The following CNTN4 variants were observed in gnomAD, a reference collection of about 807,000 sequenced individuals.
CNTN4 encodes the protein contactin-4.
Under a neutral mutation model 122.5 loss-of-function variants are expected in CNTN4, and 77 were observed. The observed-to-expected ratio is 0.63, with a 90% CI of 0.52 to 0.76. The LOEUF (loss-of-function observed/expected upper bound fraction) is 0.76, where lower values mean the gene tolerates loss of function less well. Ranked by LOEUF, CNTN4 falls within the 30% of genes least tolerant of loss-of-function variation. The pLI, the probability that CNTN4 is intolerant of heterozygous loss-of-function variation, is 0.00. For missense variants in CNTN4, 1,256 were observed against 1,259.1 expected (o/e 1.00, Z 0.04); for synonymous variants, 512 against 447.0 (o/e 1.15, Z -1.83).
chr3:2,483,806 AC>A (rs1195188902), intron 3 of CNTN4, among the ~76,000 whole-genome samples: 3 of 152,128 alleles, frequency 2.0e-5, no homozygotes, highest in African/African-American at 7.2e-5. Flanking sequence ...AGTCAATTAA[AC>A]TTTTTTTCTT....
chr3:2,562,963 AAC>A (rs2079020637), intron 3 of CNTN4, among the ~76,000 whole-genome samples: 1 of 152,054 alleles, frequency 6.6e-6, no homozygotes, highest in Admixed American at 6.6e-5. Flanking sequence ...CCTGGACTGA[AAC>A]AGTCCTCCTG....
At chr3:2,637,686 A>G (rs1377144262) in intron 4 of CNTN4, among the ~76,000 whole-genome samples, 1 of 152,162 alleles carries the variant, frequency 6.6e-6, no homozygotes, top group Non-Finnish European at 1.5e-5. Flanking sequence ...TTCAACTCCT[A>G]TAAATCCTAT....
At position 3,038,988 on chromosome 3, in the gene CNTN4, G is replaced by C. The variant is rs769802182; in HGVS notation, c.2148G>C (p.Leu716=). The part of the protein sequence containing the change: ...VSGGGGSKSE[L]VITWETVPEE... Reference sequence around the variant, plus strand: ...GTGGCGGAGGCAGCAAATCTGAACTGGTTATAACCTGGGAGGTAAATGAAT... The same window carrying C: ...GTGGCGGAGGCAGCAAATCTGAACTCGTTATAACCTGGGAGGTAAATGAAT... Residue 716 remains leucine, a synonymous_variant, in exon 19 of 25, where the codon CTG becomes CTC. Transcript: ENST00000418658. The C allele has an allele frequency of 6.2e-7, 1 of 1,613,784 alleles. No individual in the cohort carries two copies. Among genetic ancestry groups the C allele is most frequent in the Non-Finnish European group, 8.5e-7 (1 of 1,179,712 alleles).
chr3:2,290,425 A>G (rs1441972846), intron 2 of CNTN4, among the ~76,000 whole-genome samples: 1 of 152,194 alleles, frequency 6.6e-6, no homozygotes. Flanking sequence ...TATACGTACA[A>G]CACCTGTTAA....
intron 14 of CNTN4, among the ~76,000 whole-genome samples, chr3:2,999,570 C>T (rs923903052): frequency 6.6e-6 from 1 of 152,002 alleles, no homozygotes; most frequent in African/African-American, 2.4e-5. Context: ...CTAGATGGCA[C>T]CTTGAATACT....
intron 3 of CNTN4, among the ~76,000 whole-genome samples, chr3:2,527,026 G>T (rs1254468964): frequency 3.9e-5 from 6 of 152,084 alleles, no homozygotes; most frequent in African/African-American, 1.4e-4. Flanking sequence ...CTCAGAAAAC[G>T]TAGAAGACAG....
Position 3,035,546 on chromosome 3 carries a change from G to A in CNTN4, c.1942+756G>A, listed in dbSNP as rs557974642. Among the ~76,000 whole-genome samples the A allele has an allele frequency of 3.3e-5, 5 of 152,100 alleles. No individual in the cohort carries two copies. In the South Asian group the frequency reaches 1.0e-3, roughly 32 times the overall value. On this transcript the variant is annotated intron_variant, in intron 17 of 24. Transcript: ENST00000418658. ...AAAACCAATAACAGAGGATTATAGG[G>A]AGCCTCTTCACTTGCTGCTGTGTTT...
At position 3,026,112 on chromosome 3, in the gene CNTN4, G is replaced by C; in HGVS notation, c.1497G>C (p.Arg499Ser). The change falls in exon 15 of 25, where the codon AGG becomes AGC. Residue 499 changes from arginine to serine, a missense_variant. Physicochemically the swap from Arg to Ser is moderately radical, Grantham distance 110. Coordinates refer to ENST00000418658, the MANE Select transcript of CNTN4 (RefSeq NM_175607.3). ...GTTTTAACTCTCCAGATCCAACAAG[G>C]GTAATGGTACCCCCTTCCAGTATGG... is the stretch of plus-strand genomic sequence containing the variant. ...TGNLVVKDPT[R>S]VMVPPSSMDV... 21 of 1,613,124 alleles carry C rather than the reference G, an allele frequency of 1.3e-5. No individual in the cohort carries two copies. Among genetic ancestry groups the C allele is most frequent in the Non-Finnish European group, 1.6e-5 (19 of 1,179,336 alleles).
intron 3 of CNTN4, among the ~76,000 whole-genome samples, chr3:2,382,477 G>A (rs1056449282): frequency 3.3e-5 from 5 of 151,972 alleles, no homozygotes; most frequent in African/African-American, 1.2e-4. Flanking sequence ...GTTAGTCTGA[G>A]TTTAGATTAC....
chr3:2,491,424 A>G (rs2076314177), intron 3 of CNTN4, among the ~76,000 whole-genome samples: 1 of 152,224 alleles, frequency 6.6e-6, no homozygotes, highest in Admixed American at 6.5e-5. Context: ...ATATATGTGT[A>G]TGATAAAATG....
chr3:2,872,023 T>C (rs145894838), intron 8 of CNTN4, among the ~76,000 whole-genome samples: 285 of 152,304 alleles, frequency 1.9e-3, no homozygotes, highest in African/African-American at 6.4e-3. Flanking sequence ...GAATACATCA[T>C]GGTTATTATT....
rs534006904 is a variant in CNTN4 at position 2,176,724 on chromosome 3, G to A, written c.-145+76085G>A. Among the ~76,000 whole-genome samples, 251 of 152,146 alleles carry A rather than the reference G, an allele frequency of 1.6e-3. 12 individuals carry two copies. In the South Asian group the frequency reaches 0.049, roughly 30 times the overall value. ...TTTATTTTTGCTTTCTAATTTCAGC[G>A]GTTAAATTTTAAGATATTTGATATA... On this transcript the variant is annotated intron_variant, in intron 2 of 24. Coordinates refer to ENST00000418658, the MANE Select transcript of CNTN4 (RefSeq NM_175607.3).
intron 4 of CNTN4, among the ~76,000 whole-genome samples, chr3:2,619,314 A>G (rs561601496): frequency 6.6e-6 from 1 of 152,356 alleles, no homozygotes; most frequent in Non-Finnish European, 1.5e-5. Context: ...CTGGCCTATG[A>G]CTAAAACACC....
intron 13 of CNTN4, among the ~76,000 whole-genome samples, chr3:2,959,638 T>C (rs1346247404): frequency 6.6e-6 from 1 of 151,962 alleles, no homozygotes; most frequent in Admixed American, 6.6e-5. Flanking sequence ...TCTGTTTTTT[T>C]ATTTTTAGAA....
chr3:2,452,236 C>T (rs1405987444), intron 3 of CNTN4, among the ~76,000 whole-genome samples: 1 of 152,140 alleles, frequency 6.6e-6, no homozygotes, highest in Non-Finnish European at 1.5e-5. Context: ...CCTGAGTTTT[C>T]TTCTCTGCAA....
At chr3:2,100,891 A>C (rs991308872) in intron 2 of CNTN4, among the ~76,000 whole-genome samples, 1 of 152,200 alleles carries the variant, frequency 6.6e-6, no homozygotes, top group Non-Finnish European at 1.5e-5. Context: ...GGTAGCTGGC[A>C]AGGATGGAAA....
At chr3:2,118,412 TGC>T (rs1292402031) in intron 2 of CNTN4, among the ~76,000 whole-genome samples, 1 of 152,216 alleles carries the variant, frequency 6.6e-6, no homozygotes, top group Non-Finnish European at 1.5e-5. Flanking sequence ...CACATTTTAT[TGC>T]AAGGAAGGTG....
chr3:2,375,095 T>G (rs891532255), intron 3 of CNTN4, among the ~76,000 whole-genome samples: 1 of 152,168 alleles, frequency 6.6e-6, no homozygotes, highest in Non-Finnish European at 1.5e-5. Flanking sequence ...TCAAAAAAGG[T>G]TTTATGATTG....
chr3:2,551,120 G>C (rs973304164), intron 3 of CNTN4, among the ~76,000 whole-genome samples: 1 of 151,902 alleles, frequency 6.6e-6, no homozygotes. Context: ...AATGCCAGGC[G>C]TAAAGCAAGC....
Sources: gnomAD v4.1 joint callset for allele counts (sites outside exome capture counted in the v4.1 genomes callset) on GRCh38, gnomAD v4.1.1 for gene constraint, MANE v1.5 for transcripts, NCBI Gene and HGNC (gene_info 2026-07-23, HGNC 2026-07-21) for gene names.